CDH13: variants seen among roughly 807,000 people sequenced by gnomAD.
CDH13 encodes cadherin 13, also known as cadherin-13.
A neutral mutation model predicts 63.8 loss-of-function variants in CDH13; 24 were observed. The ratio of observed to expected loss-of-function variants is 0.38; its 90% confidence interval spans 0.27 to 0.53. CDH13 has a LOEUF of 0.53. Ranked by LOEUF, CDH13 falls within the 20% of genes least tolerant of loss-of-function variation. The pLI is 0.85. For synonymous variants in CDH13, 503 were observed against 355.3 expected, an observed-to-expected ratio of 1.42 and a Z score of -4.67; for missense variants, 1,049 against 903.1, an observed-to-expected ratio of 1.16 and a Z score of -2.07.
intron 4 of CDH13, among the ~76,000 whole-genome samples, chr16:83,214,312 G>C (rs1053066067): frequency 6.6e-6 from 1 of 152,022 alleles, no homozygotes; most frequent in Non-Finnish European, 1.5e-5. Context: ...GGACGTGGTG[G>C]CTCACACCTG....
chr16:83,795,859 A>T lies in CDH13; in HGVS notation c.*829A>T, dbSNP rs760076193. ...CGAATCCACAGTCGTACTGATTCTAATGGGGACACAGATCATGGTAGAGAA... is the reference window on the plus strand; with the variant it reads ...CGAATCCACAGTCGTACTGATTCTATTGGGGACACAGATCATGGTAGAGAA... On this transcript the variant is annotated 3_prime_UTR_variant, in exon 14 of 14. Transcript: ENST00000567109. The T allele has an allele frequency of 6.6e-6, 1 of 152,612 alleles. No homozygotes were observed. Among genetic ancestry groups the T allele is most frequent in the Non-Finnish European group, 1.5e-5 (1 of 68,034 alleles). The allele number at this position is 152,612 out of a possible 1,614,324, so 9.5% of individuals were successfully genotyped here.
In CDH13 at chr16:83,748,099, T is replaced by G. The variant is rs771285406; in HGVS notation, c.1539-9T>G. ...ATGCAGAGTCTGACATTGTGGGGAT[T>G]TTTTTCAGGTATTCTGTTTACAAGG... On this transcript the variant is annotated splice_polypyrimidine_tract_variant and intron_variant, in intron 10 of 13. Coordinates refer to ENST00000567109, the MANE Select transcript of CDH13 (RefSeq NM_001257.5). 2.5e-6 allele frequency: 4 copies of G among 1,613,892 alleles called. No individual in the cohort carries two copies. The highest frequency in any genetic ancestry group is 1.1e-5 in the South Asian group (1 of 91,076).
At chr16:83,011,637 A>C (rs1914166094) in intron 2 of CDH13, among the ~76,000 whole-genome samples, 1 of 152,282 alleles carries the variant, frequency 6.6e-6, no homozygotes, top group Non-Finnish European at 1.5e-5. Flanking sequence ...GAGCAAGGTG[A>C]ATGCCACTGA....
In CDH13 at chr16:83,678,447, G is replaced by A; in HGVS notation, c.1524G>A (p.Gln508=). 1 of 1,613,972 alleles carries A rather than the reference G, an allele frequency of 6.2e-7. No individual in the cohort carries two copies. Among genetic ancestry groups the A allele is most frequent in the Non-Finnish European group, 8.5e-7 (1 of 1,179,864 alleles). Residue 508 remains glutamine, a synonymous_variant, in exon 10 of 14, where the codon CAG becomes CAA. Transcript: ENST00000567109. ...ATGCCACGGACCCCGACTCCCTGCA[G>A]CATCAAACCATCAGGTGGGTGAGTG... ...TVNATDPDSL[Q]HQTIRYSVYK... is the part of the protein sequence containing the mutation.
At chr16:82,680,566 T>A (rs545272476) in intron 1 of CDH13, among the ~76,000 whole-genome samples, 46 of 152,260 alleles carry the variant, frequency 3.0e-4, no homozygotes, top group African/African-American at 1.1e-3. Context: ...AAAATATGCT[T>A]CAGTGACTGA....
intron 5 of CDH13, among the ~76,000 whole-genome samples, chr16:83,270,050 T>C (rs2088754157): frequency 6.6e-6 from 1 of 152,228 alleles, no homozygotes; most frequent in African/African-American, 2.4e-5. Context: ...CTTTATTAAA[T>C]GTAACTGGTT....
chr16:82,980,994 A>G (rs1346741176), intron 2 of CDH13, among the ~76,000 whole-genome samples: 1 of 152,038 alleles, frequency 6.6e-6, no homozygotes, highest in Non-Finnish European at 1.5e-5. Flanking sequence ...CTCATCCCCT[A>G]AATTTTGCCA....
At chr16:82,687,705 C>T (rs955316090) in intron 1 of CDH13, among the ~76,000 whole-genome samples, 1 of 152,068 alleles carries the variant, frequency 6.6e-6, no homozygotes, top group African/African-American at 2.4e-5. Flanking sequence ...TGAAATGTGG[C>T]TGGGGACACA....
At chr16:83,507,279 T>G (rs900037783) in intron 7 of CDH13, among the ~76,000 whole-genome samples, 2 of 152,238 alleles carry the variant, frequency 1.3e-5, no homozygotes, top group African/African-American at 4.8e-5. Context: ...ATTCTAGGCT[T>G]CTTGAGAAAG....
At chr16:83,030,724 A>C (rs1916230256) in intron 2 of CDH13, among the ~76,000 whole-genome samples, 2 of 150,834 alleles carry the variant, frequency 1.3e-5, no homozygotes, top group South Asian at 4.2e-4. Context: ...CACTGGAAGC[A>C]GAGCACACAC....
chr16:82,989,168 A>C (rs1317905265), intron 2 of CDH13, among the ~76,000 whole-genome samples: 2 of 152,206 alleles, frequency 1.3e-5, no homozygotes, highest in South Asian at 2.1e-4. Context: ...TGGGTATCCA[A>C]CTGATACCTG....
At chr16:83,415,269 G>T (rs999754361) in intron 6 of CDH13, among the ~76,000 whole-genome samples, 1 of 152,114 alleles carries the variant, frequency 6.6e-6, no homozygotes, top group African/African-American at 2.4e-5. Flanking sequence ...AACTCATAGG[G>T]AGATTGAATC....
chr16:82,871,310 A>C (rs117764871), intron 2 of CDH13, among the ~76,000 whole-genome samples: 2,989 of 152,270 alleles, frequency 0.02, 35 homozygotes, highest in Non-Finnish European at 0.031. Flanking sequence ...GAGGAAGGTG[A>C]AAAGGATGAG....
intron 1 of CDH13, among the ~76,000 whole-genome samples, chr16:82,720,169 G>A (rs2151020472): frequency 6.6e-6 from 1 of 152,210 alleles, no homozygotes; most frequent in Admixed American, 6.5e-5. Flanking sequence ...GTGAGTGACG[G>A]TGGTCGTAGT....
intron 6 of CDH13, among the ~76,000 whole-genome samples, chr16:83,484,400 G>A (rs1255412406): frequency 1.3e-5 from 2 of 152,226 alleles, no homozygotes; most frequent in Non-Finnish European, 1.5e-5. Flanking sequence ...AAAATCAGAA[G>A]ATGGGCCTTA....
intron 1 of CDH13, among the ~76,000 whole-genome samples, chr16:82,747,327 T>G (rs1244425977): frequency 6.6e-6 from 1 of 152,172 alleles, no homozygotes; most frequent in Admixed American, 6.5e-5. Flanking sequence ...CGTTAAAGTT[T>G]GAGGTGTTTA....
At chr16:82,962,416 C>A (rs1462174756) in intron 2 of CDH13, among the ~76,000 whole-genome samples, 2 of 152,190 alleles carry the variant, frequency 1.3e-5, no homozygotes, top group Non-Finnish European at 2.9e-5. Context: ...GAGAATAAAT[C>A]CCTATTGTTT....
chr16:83,670,938 C>T lies in CDH13; in HGVS notation c.1250C>T (p.Pro417Leu). 1 of 1,606,796 alleles carries T rather than the reference C, an allele frequency of 6.2e-7. No homozygotes were observed. Among genetic ancestry groups the T allele is most frequent in the South Asian group, 1.1e-5 (1 of 90,390 alleles). The part of the protein sequence containing the change: ...PGQSFEIHTN[P>L]QTNEGMLSVV... ...CAGAGCTTTGAAATCCACACCAACC[C>T]TCAAACCAACGAAGGGATGCTTTCT... The change falls in exon 9 of 14, where the codon CCT becomes CTT. Residue 417 changes from proline to leucine, a missense_variant. Transcript: ENST00000567109.
At chr16:83,471,566 G>T (rs76563748) in intron 6 of CDH13, among the ~76,000 whole-genome samples, 3 of 152,118 alleles carry the variant, frequency 2.0e-5, no homozygotes, top group Admixed American at 6.5e-5. Flanking sequence ...GAGCCACCTC[G>T]CCTGGCCTTT....
Sources: gnomAD v4.1 joint callset for allele counts (sites outside exome capture counted in the v4.1 genomes callset) on GRCh38, gnomAD v4.1.1 for gene constraint, MANE v1.5 for transcripts, NCBI Gene and HGNC (gene_info 2026-07-23, HGNC 2026-07-21) for gene names.